Variants in RNASEH2B observed in about 807,000 individuals in gnomAD.
The protein encoded by RNASEH2B is ribonuclease H2 subunit B.
Under a neutral mutation model 45.0 loss-of-function variants are expected in RNASEH2B, and 36 were observed. That is an observed-to-expected ratio of 0.80 (90% CI 0.61 to 1.06). RNASEH2B has a LOEUF of 1.06. Among genes scored for constraint, RNASEH2B ranks in the 50% least tolerant of loss-of-function variants. RNASEH2B has a pLI of 0.00. For missense variants in RNASEH2B, 361 were observed against 360.3 expected (o/e 1.00, Z -0.02); for synonymous variants, 119 against 125.7 (o/e 0.95, Z 0.35).
chr13:50,953,509 A>G (rs888406859), intron 9 of RNASEH2B: 9 of 230,564 alleles, frequency 3.9e-5, no homozygotes, highest in Admixed American at 1.5e-4. Flanking sequence ...GGTAAATGAA[A>G]TAGGGATTCT....
intron 7 of RNASEH2B, 131 bp from the exon 8 acceptor site, chr13:50,947,854 CTG>C: frequency 7.0e-7 from 1 of 1,437,016 alleles, no homozygotes; most frequent in Non-Finnish European, 9.5e-7. Context: ...AATGAGAAAA[CTG>C]AGGCTAGAGC....
chr13:50,928,902 GCA>G (rs1951638278), intron 2 of RNASEH2B, among the ~76,000 whole-genome samples: 1 of 144,392 alleles, frequency 6.9e-6, no homozygotes, highest in African/African-American at 2.6e-5. Flanking sequence ...ATGCAGATGT[GCA>G]CAGTCTTCAC....
chr13:50,938,966 T>G (rs1026631034), intron 5 of RNASEH2B: 2 of 152,236 alleles, frequency 1.3e-5, no homozygotes, highest in African/African-American at 4.8e-5. Context: ...CCTAGCGGTT[T>G]GGGAGGCCGA....
At chr13:50,934,824 CT>C in intron 4 of RNASEH2B, 60 bp from the exon 5 acceptor site, 6 of 1,202,848 alleles carry the variant, frequency 5.0e-6, no homozygotes, top group Non-Finnish European at 7.3e-6. Context: ...GTCTTTTTCT[CT>C]TTTTTTCTGA....
At chr13:50,919,277 A>G (rs1364885961) in intron 1 of RNASEH2B, among the ~76,000 whole-genome samples, 1 of 152,248 alleles carries the variant, frequency 6.6e-6, no homozygotes, top group Non-Finnish European at 1.5e-5. Flanking sequence ...ATGAAAAATC[A>G]TGTACCATTT....
downstream of RNASEH2B, among the ~76,000 whole-genome samples, chr13:50,958,570 C>A (rs985991510): frequency 1.3e-5 from 2 of 151,938 alleles, no homozygotes; most frequent in African/African-American, 4.8e-5. Context: ...CTTTGGCTAT[C>A]CAAGCTTTTT....
intron 7 of RNASEH2B, among the ~76,000 whole-genome samples, chr13:50,946,794 T>G (rs1443961478): frequency 6.6e-6 from 1 of 152,184 alleles, no homozygotes. Context: ...ACTTTACATA[T>G]TTTACATTAT....
chr13:50,960,673 C>T (rs1952103122), downstream of RNASEH2B, among the ~76,000 whole-genome samples: 1 of 152,154 alleles, frequency 6.6e-6, no homozygotes, highest in African/African-American at 2.4e-5. Context: ...TGGATACATC[C>T]TATCTTTCTT....
intron 1 of RNASEH2B, among the ~76,000 whole-genome samples, chr13:50,920,477 C>T (rs1220839463): frequency 6.6e-6 from 1 of 152,174 alleles, no homozygotes; most frequent in Non-Finnish European, 1.5e-5. Context: ...TTTTAAGGAA[C>T]CACAGGGGCA....
intron 7 of RNASEH2B, among the ~76,000 whole-genome samples, chr13:50,946,660 A>G (rs1293018532): frequency 2.0e-5 from 3 of 152,196 alleles, no homozygotes; most frequent in African/African-American, 2.4e-5. Flanking sequence ...CATTTTTTAA[A>G]TGGAGAGGTA....
At chr13:50,947,936 A>T in intron 7 of RNASEH2B, 51 bp from the exon 8 acceptor site, 1 of 1,600,906 alleles carries the variant, frequency 6.2e-7, no homozygotes, top group Non-Finnish European at 8.5e-7. Flanking sequence ...TAAAACCACC[A>T]TAATTACTAT....
intron 1 of RNASEH2B, among the ~76,000 whole-genome samples, chr13:50,913,650 A>G (rs1879560960): frequency 6.6e-6 from 1 of 152,226 alleles, no homozygotes; most frequent in Admixed American, 6.5e-5. Flanking sequence ...CAAGTTTTGC[A>G]ATAAAGTTAT....
chr13:50,940,391 G>A lies in RNASEH2B; in HGVS notation c.437-2930G>A, dbSNP rs190900707. On this transcript the variant is annotated intron_variant, in intron 5 of 10. Transcript: ENST00000336617. ...TCCATTGTGTGAACATGAACATTGCGTGAACACCTAAATAAAATTCATTTT... is the reference window on the plus strand; with the variant it reads ...TCCATTGTGTGAACATGAACATTGCATGAACACCTAAATAAAATTCATTTT... Among the ~76,000 whole-genome samples the A allele has an allele frequency of 2.5e-3, 376 of 152,310 alleles. 3 individuals are homozygous for A. The highest frequency in any genetic ancestry group is 2.3e-3 in the South Asian group (11 of 4,822).
intron 4 of RNASEH2B, among the ~76,000 whole-genome samples, chr13:50,932,166 T>G (rs183462761): frequency 9.1e-4 from 139 of 152,360 alleles, no homozygotes; most frequent in African/African-American, 2.9e-3. Flanking sequence ...GTTCATATTC[T>G]GCCTAATACC....
chr13:50,929,326 C>T, intron 2 of RNASEH2B, 149 bp from the exon 3 acceptor site: 1 of 655,318 alleles, frequency 1.5e-6, no homozygotes, highest in Non-Finnish European at 2.7e-6. Context: ...GTAAGCTTTC[C>T]TTGGAATCAG....
Position 50,909,791 on chromosome 13 carries a change from A to G in RNASEH2B, c.-286A>G. 2 of 344,118 alleles carry G rather than the reference A, an allele frequency of 5.8e-6. No individual in the cohort carries two copies. Among genetic ancestry groups the G allele is most frequent in the Non-Finnish European group, 1.1e-5 (2 of 188,294 alleles). The allele number at this position is 344,118 out of a possible 1,614,324, so 21.3% of individuals were successfully genotyped here. On this transcript the variant is annotated 5_prime_UTR_variant, in exon 1 of 11. Transcript: ENST00000336617. ...CTGCGGCGCGCGATGAGCACCTACC[A>G]CTAGCGGAGCCGCGAGGGAGAGGCC...
intron 3 of RNASEH2B, among the ~76,000 whole-genome samples, chr13:50,930,480 A>G (rs577782619): frequency 2.0e-5 from 3 of 152,310 alleles, no homozygotes; most frequent in Admixed American, 2.0e-4. Context: ...CAGGGATTTG[A>G]AGCTCTTTGG....
intron 4 of RNASEH2B, among the ~76,000 whole-genome samples, chr13:50,931,983 C>T (rs1435724150): frequency 6.6e-6 from 1 of 150,840 alleles, no homozygotes; most frequent in Non-Finnish European, 1.5e-5. Context: ...CACACACACA[C>T]TCCCTTTTGT....
intron 5 of RNASEH2B, chr13:50,935,353 T>A (rs548490211): frequency 2.0e-5 from 6 of 303,440 alleles, no homozygotes; most frequent in Non-Finnish European, 3.8e-5. Context: ...CCTTAATAGA[T>A]GGAAGCATTT....
Sources: allele counts gnomAD v4.1 joint callset (sites outside exome capture counted in the v4.1 genomes callset), GRCh38; gene constraint gnomAD v4.1.1; transcripts MANE v1.5; gene names NCBI Gene and HGNC (gene_info 2026-07-23, HGNC 2026-07-21).